ASRGL1: variants seen among roughly 807,000 people sequenced by gnomAD.
ASRGL1 encodes isoaspartyl peptidase/L-asparaginase.
Under a neutral mutation model 22.4 loss-of-function variants are expected in ASRGL1, and 16 were observed. The ratio of observed to expected loss-of-function variants is 0.71; its 90% CI spans 0.48 to 1.08. The LOEUF (loss-of-function observed/expected upper bound fraction) is 1.08, where lower values mean the gene tolerates loss of function less well. Ranked by LOEUF, ASRGL1 falls within the 50% of genes least tolerant of loss-of-function variation. The pLI, the probability that ASRGL1 is intolerant of heterozygous loss-of-function variation, is 0.00. For synonymous variants in ASRGL1, 165 were observed against 159.3 expected (o/e 1.04, Z -0.27); for missense variants, 412 against 410.1 (o/e 1.00, Z -0.04).
At chr11:62,378,009 T>G (rs1473886846) in intron 4 of ASRGL1, among the ~76,000 whole-genome samples, 1 of 152,160 alleles carries the variant, frequency 6.6e-6, no homozygotes, top group Non-Finnish European at 1.5e-5. Context: ...TTGTTGCCTC[T>G]GGAGTGAATA....
chr11:62,348,248 G>A (rs1484483891), intron 2 of ASRGL1, among the ~76,000 whole-genome samples: 1 of 152,146 alleles, frequency 6.6e-6, no homozygotes, highest in Non-Finnish European at 1.5e-5. Flanking sequence ...TTGTAGTAAG[G>A]AAAAAATTTA....
At chr11:62,388,716 T>TCTA (rs1947270589) in intron 4 of ASRGL1, among the ~76,000 whole-genome samples, 1 of 149,566 alleles carries the variant, frequency 6.7e-6, no homozygotes, top group South Asian at 2.2e-4. Context: ...CCAGCCTGTA[T>TCTA]CTACCAAGTC....
At chr11:62,352,228 G>A (rs1012513881) in intron 2 of ASRGL1, among the ~76,000 whole-genome samples, 3 of 152,148 alleles carry the variant, frequency 2.0e-5, no homozygotes, top group African/African-American at 7.2e-5. Flanking sequence ...ACTCTCATGG[G>A]CACAAGAAGA....
At chr11:62,397,878 T>A (rs1472739486), downstream of ASRGL1, among the ~76,000 whole-genome samples, 2 of 152,184 alleles carry the variant, frequency 1.3e-5, no homozygotes, top group Non-Finnish European at 2.9e-5. Context: ...TGGTCAATAT[T>A]CAAATTTCCC....
chr11:62,380,712 C>A (rs1269943728), intron 4 of ASRGL1, among the ~76,000 whole-genome samples: 1 of 152,104 alleles, frequency 6.6e-6, no homozygotes, highest in African/African-American at 2.4e-5. Flanking sequence ...ATAATGTTCT[C>A]ATATAAGGGG....
At chr11:62,398,682 G>C in the ASRGL1 span, among the ~76,000 whole-genome samples, 2 of 152,240 alleles carry the variant, frequency 1.3e-5, no homozygotes, top group South Asian at 4.1e-4. Flanking sequence ...CGCTAGCGGC[G>C]GCGGCTCATT....
At chr11:62,373,796 C>T (rs1050655261) in intron 4 of ASRGL1, among the ~76,000 whole-genome samples, 13 of 152,240 alleles carry the variant, frequency 8.5e-5, no homozygotes, top group African/African-American at 3.1e-4. Context: ...CTGTGTCCCC[C>T]CTGGTGGGGG....
At chr11:62,346,179 T>C (rs148464341) in intron 2 of ASRGL1, among the ~76,000 whole-genome samples, 114 of 152,280 alleles carry the variant, frequency 7.5e-4, no homozygotes, top group East Asian at 7.4e-3. Flanking sequence ...CAGCTATAAA[T>C]TGGGGTTCCC....
intron 4 of ASRGL1, among the ~76,000 whole-genome samples, chr11:62,359,543 G>A (rs554594583): frequency 2.6e-5 from 4 of 152,130 alleles, no homozygotes; most frequent in African/African-American, 9.6e-5. Flanking sequence ...AAGATGTCTT[G>A]CTCTTTTTTT....
rs1218292247 is a variant in ASRGL1, at chr11:62,393,156, G to C, written c.*872G>C. ...CCGTGACTTCCTGAGTCCTCACCCT[G>C]TCCAGTGCTTTGAGATTCTTCCCAC... is the stretch of plus-strand genomic sequence containing the variant. On this transcript the variant is annotated 3_prime_UTR_variant, in exon 7 of 7. Transcript: ENST00000415229. The C allele has an allele frequency of 1.3e-5, 2 of 152,376 alleles. No individual in the cohort carries two copies. Among genetic ancestry groups the C allele is most frequent in the Admixed American group, 6.5e-5 (1 of 15,274 alleles). 9.4% of individuals were successfully genotyped at this position (152,376 alleles called of 1,614,324 possible).
Position 62,356,558 on chromosome 11 carries a change from C to T in ASRGL1, c.333+91C>T, listed in dbSNP as rs1946302478. 3.5e-6 allele frequency: 5 copies of T among 1,411,598 alleles called. No individual in the cohort carries two copies. The African/African-American group carries it at 5.8e-5, about 16-fold the overall frequency. The allele number at this position is 1,411,598 out of a possible 1,614,324, so 87.4% of individuals were successfully genotyped here. On this transcript the variant is annotated intron_variant, in intron 3 of 6. Coordinates refer to ENST00000415229, the MANE Select transcript of ASRGL1 (RefSeq NM_001083926.2). The stretch of plus-strand genomic sequence containing the variant: ...CCAACTGTGCAGAAATACTTGAGAT[C>T]ACTGTTCTCCTAAAAATATATACAA...
At chr11:62,396,862 A>G (rs1947437943), downstream of ASRGL1, among the ~76,000 whole-genome samples, 1 of 152,140 alleles carries the variant, frequency 6.6e-6, no homozygotes, top group East Asian at 1.9e-4. Context: ...CAGAACTCAG[A>G]TAAGTGTTAG....
At chr11:62,384,178 C>T (rs997119089) in intron 4 of ASRGL1, among the ~76,000 whole-genome samples, 1 of 152,012 alleles carries the variant, frequency 6.6e-6, no homozygotes, top group African/African-American at 2.4e-5. Context: ...CCCTGCACTC[C>T]AGCCTGGGCA....
At chr11:62,343,082 C>T (rs527737508) in intron 2 of ASRGL1, among the ~76,000 whole-genome samples, 4 of 152,110 alleles carry the variant, frequency 2.6e-5, no homozygotes, top group African/African-American at 9.6e-5. Flanking sequence ...AATTTAACTT[C>T]AGTAGAAACT....
At chr11:62,364,216 T>A (rs1308864653) in intron 4 of ASRGL1, among the ~76,000 whole-genome samples, 1 of 145,158 alleles carries the variant, frequency 6.9e-6, no homozygotes, top group African/African-American at 2.5e-5. Context: ...AAAAATATTT[T>A]TATGGAATAA....
At chr11:62,382,058 G>A (rs1167632576) in intron 4 of ASRGL1, 1 of 152,314 alleles carries the variant, frequency 6.6e-6, no homozygotes, top group Non-Finnish European at 1.5e-5. Flanking sequence ...GGAGGCCGAG[G>A]CCGGTGGATC....
At chr11:62,355,621 T>TG (rs1946267310) in intron 2 of ASRGL1, among the ~76,000 whole-genome samples, 1 of 138,648 alleles carries the variant, frequency 7.2e-6, no homozygotes, top group Admixed American at 7.7e-5. Context: ...ATTTCTAAAT[T>TG]CTTTTTTTTT....
the ASRGL1 span, among the ~76,000 whole-genome samples, chr11:62,401,040 C>T: frequency 2.0e-5 from 3 of 152,178 alleles, no homozygotes; most frequent in Admixed American, 6.5e-5. Flanking sequence ...GTGAGCCCCT[C>T]GGCCTGGGAA....
chr11:62,350,908 G>C (rs141576453), intron 2 of ASRGL1, among the ~76,000 whole-genome samples: 12 of 152,288 alleles, frequency 7.9e-5, no homozygotes, highest in African/African-American at 2.9e-4. Flanking sequence ...ACCTGCTATT[G>C]TATGTCTAGT....
Sources: gnomAD v4.1 joint callset for allele counts (sites outside exome capture counted in the v4.1 genomes callset) on GRCh38, gnomAD v4.1.1 for gene constraint, MANE v1.5 for transcripts, NCBI Gene and HGNC (gene_info 2026-07-23, HGNC 2026-07-21) for gene names.